The following NFATC2 variants were observed in gnomAD, a reference collection of about 807,000 sequenced individuals.
The protein encoded by NFATC2 is nuclear factor of activated T cells 2.
A neutral mutation model predicts 87.3 loss-of-function variants in NFATC2; 22 were observed. That is an observed-to-expected ratio of 0.25 (90% CI 0.18 to 0.36). The LOEUF is 0.36. Among genes scored for constraint, NFATC2 ranks in the 10% least tolerant of loss-of-function variants. The probability of loss-of-function intolerance (pLI) is 1.00; values close to 1 mark genes in which losing one functional copy is unlikely to be tolerated. For synonymous variants in NFATC2, 565 were observed against 542.2 expected (o/e 1.04, Z -0.58); for missense variants, 1,149 against 1,259.1 (o/e 0.91, Z 1.32).
chr20:51,541,317 T>C (rs2076812682), intron 1 of NFATC2, among the ~76,000 whole-genome samples: 1 of 151,950 alleles, frequency 6.6e-6, no homozygotes, highest in East Asian at 1.9e-4. Flanking sequence ...CCACTGAGCC[T>C]TCAACAAGCA....
At chr20:51,404,485 C>T (rs942399820) in intron 9 of NFATC2, among the ~76,000 whole-genome samples, 1 of 152,302 alleles carries the variant, frequency 6.6e-6, no homozygotes, top group Middle Eastern at 3.4e-3. Flanking sequence ...TTTAAGTCCT[C>T]GAGTCTCAGT....
intron 1 of NFATC2, among the ~76,000 whole-genome samples, chr20:51,554,068 A>G (rs1164470556): frequency 6.6e-6 from 1 of 152,122 alleles, no homozygotes; most frequent in East Asian, 1.9e-4. Context: ...GATGAGGACA[A>G]GCTGGCTGAC....
chr20:51,450,143 C>A (rs973595862), intron 6 of NFATC2, among the ~76,000 whole-genome samples: 1 of 152,108 alleles, frequency 6.6e-6, no homozygotes, highest in Non-Finnish European at 1.5e-5. Context: ...CTGTATCTTA[C>A]AAAAGAGGAA....
intron 8 of NFATC2, among the ~76,000 whole-genome samples, chr20:51,434,055 C>T (rs1379027049): frequency 1.3e-5 from 2 of 152,168 alleles, no homozygotes; most frequent in Non-Finnish European, 2.9e-5. Flanking sequence ...GTCTAGAGCC[C>T]CCCCAGCAAT....
At chr20:51,509,119 G>A (rs2076232670) in intron 3 of NFATC2, among the ~76,000 whole-genome samples, 1 of 152,020 alleles carries the variant, frequency 6.6e-6, no homozygotes, top group South Asian at 2.1e-4. Flanking sequence ...GCCTGGAGAG[G>A]TCCCTGCAGC....
intron 6 of NFATC2, among the ~76,000 whole-genome samples, chr20:51,444,852 C>T (rs559511380): frequency 6.6e-6 from 1 of 152,130 alleles, no homozygotes; most frequent in Non-Finnish European, 1.5e-5. Flanking sequence ...GGAATGGCCC[C>T]CCCAGCTTAG....
chr20:51,502,599 G>T (rs2076108060), intron 3 of NFATC2, among the ~76,000 whole-genome samples: 1 of 152,108 alleles, frequency 6.6e-6, no homozygotes, highest in South Asian at 2.1e-4. Flanking sequence ...GCCTCCCAAA[G>T]TACTAGGATT....
chr20:51,497,302 C>T (rs569076886), intron 3 of NFATC2, among the ~76,000 whole-genome samples: 4 of 152,130 alleles, frequency 2.6e-5, no homozygotes, highest in Non-Finnish European at 5.9e-5. Context: ...TTCTCCCTCC[C>T]GCAGCAAGAA....
chr20:51,412,137 T>G (rs1979348449), intron 9 of NFATC2, among the ~76,000 whole-genome samples: 1 of 152,166 alleles, frequency 6.6e-6, no homozygotes, highest in Non-Finnish European at 1.5e-5. Context: ...CCTGAACAGC[T>G]AAGAACTCTG....
upstream of NFATC2, among the ~76,000 whole-genome samples, chr20:51,546,414 G>C (rs2076889813): frequency 6.6e-6 from 1 of 152,198 alleles, no homozygotes; most frequent in Non-Finnish European, 1.5e-5. Flanking sequence ...TGTGCTCTTA[G>C]GAACAAGGTC....
intron 3 of NFATC2, among the ~76,000 whole-genome samples, chr20:51,479,154 T>C (rs577675936): frequency 4.6e-5 from 7 of 152,342 alleles, no homozygotes; most frequent in African/African-American, 1.7e-4. Flanking sequence ...AAACGTTTAC[T>C]AGCACATCAC....
At chr20:51,483,278 G>C (rs1360511172) in intron 3 of NFATC2, among the ~76,000 whole-genome samples, 1 of 152,176 alleles carries the variant, frequency 6.6e-6, no homozygotes, top group Non-Finnish European at 1.5e-5. Context: ...CAAAATGTGA[G>C]ACTGATTTTC....
chr20:51,435,263 G>A lies in NFATC2; in HGVS notation c.1957C>T (p.Pro653Ser), dbSNP rs1983392965. 5 of 1,614,014 alleles carry A rather than the reference G, an allele frequency of 3.1e-6. No homozygotes were observed. Among genetic ancestry groups the A allele is most frequent in the Non-Finnish European group, 2.5e-6 (3 of 1,180,026 alleles). Residue 653 changes from proline to serine, a missense_variant, in exon 8 of 11, where the codon CCT (proline) becomes TCT (serine). Around this residue, in one of 3 missense-constraint regions of NFATC2, gnomAD observed 581 missense variants for 649.7 expected, o/e 0.89. Coordinates refer to ENST00000371564, the MANE Select transcript of NFATC2 (RefSeq NM_012340.5). ...ATGACGTAGAAGTTCACTTTTACAG[G>A]TGTGCGGATATGCTTGTTCCGATAT... ...PEYRNKHIRT[P>S]VKVNFYVING... is the part of the protein sequence containing the mutation.
At chr20:51,453,511 C>T (rs761420768) in intron 6 of NFATC2, among the ~76,000 whole-genome samples, 16 of 152,188 alleles carry the variant, frequency 1.1e-4, no homozygotes, top group Non-Finnish European at 2.1e-4. Context: ...GTTCTAGTAT[C>T]CAAAATAAGT....
upstream of NFATC2, among the ~76,000 whole-genome samples, chr20:51,546,822 C>T (rs971797058): frequency 3.6e-4 from 55 of 151,990 alleles, no homozygotes; most frequent in African/African-American, 1.2e-3. Context: ...CCTAGGGAGG[C>T]GATGTTTAAG....
At position 51,443,722 on chromosome 20, in the gene NFATC2, C is replaced by T. The variant is rs762562604; in HGVS notation, c.1850-7961G>A. ...GAGAAGACCAAGTATGCTTCTACCGCTCTGGGCTGAGATGAAATAAAGGAC... is the reference window on the plus strand; with the variant it reads ...GAGAAGACCAAGTATGCTTCTACCGTTCTGGGCTGAGATGAAATAAAGGAC... On this transcript the variant is annotated intron_variant, in intron 6 of 10. Transcript: ENST00000371564. Among the ~76,000 whole-genome samples the T allele has an allele frequency of 9.0e-4, 137 of 152,180 alleles. 1 individual carries two copies. Among genetic ancestry groups the T allele is most frequent in the Admixed American group, 5.2e-4 (8 of 15,282 alleles).
chr20:51,445,423 C>A (rs570915963), intron 6 of NFATC2, among the ~76,000 whole-genome samples: 1 of 152,320 alleles, frequency 6.6e-6, no homozygotes, highest in East Asian at 1.9e-4. Flanking sequence ...TCCCTGACTC[C>A]TCTATCCAGA....
At chr20:51,543,002 C>T (rs143460757), upstream of NFATC2, among the ~76,000 whole-genome samples, 639 of 152,284 alleles carry the variant, frequency 4.2e-3, 7 homozygotes, top group African/African-American at 0.015. Context: ...GCTGCCGCCA[C>T]TAGGACTTTT....
chr20:51,475,196 T>C (rs1308868697), intron 4 of NFATC2, among the ~76,000 whole-genome samples: 1 of 152,146 alleles, frequency 6.6e-6, no homozygotes, highest in Non-Finnish European at 1.5e-5. Context: ...CTTGAATTCC[T>C]GATCTCAAGT....
Sources: allele counts gnomAD v4.1 joint callset (sites outside exome capture counted in the v4.1 genomes callset), GRCh38; gene constraint gnomAD v4.1.1; regional missense constraint gnomAD v4.1.1; transcripts MANE v1.5; gene names NCBI Gene and HGNC (gene_info 2026-07-23, HGNC 2026-07-21).